Variants in NAIP observed in about 807,000 individuals in gnomAD.
NAIP encodes NLR family apoptosis inhibitory protein.
Under a neutral mutation model 23.0 loss-of-function variants are expected in NAIP, and 15 were observed. That is an observed-to-expected ratio of 0.65 (90% confidence interval 0.44 to 1.00). The LOEUF is 1.00. Among genes scored for constraint, NAIP ranks in the 50% least tolerant of loss-of-function variants. The probability of loss-of-function intolerance (pLI) is 0.00; values close to 1 mark genes in which losing one functional copy is unlikely to be tolerated. For missense variants in NAIP, 265 were observed against 278.8 expected, an observed-to-expected ratio of 0.95 and a Z score of 0.35; for synonymous variants, 100 against 100.2, an observed-to-expected ratio of 1.00 and a Z score of 0.01.
Position 71,012,396 on chromosome 5 carries a change from G to A in NAIP, c.520C>T (p.Gln174Ter), listed in dbSNP as rs781287367. The change falls in exon 4 of 17, where the codon CAA becomes TAA. Residue 174 changes from glutamine (Q) to a stop codon, truncating the protein, a stop_gained. Coordinates refer to ENST00000517649, the MANE Select transcript of NAIP (RefSeq NM_004536.3). LOFTEE classifies it high-confidence loss of function. ...GAGAGCACACAAGGGGATATCCCTTGGACATAAAATGGCCAGTTCCTGAAG... is the reference window on the plus strand; with the variant it reads ...GAGAGCACACAAGGGGATATCCCTTAGACATAAAATGGCCAGTTCCTGAAG... ...ASFRNWPFYVQGISPCVLSEA... is the reference protein window; with the variant it reads ...ASFRNWPFYV 118 of 1,611,548 alleles carry A rather than the reference G, an allele frequency of 7.3e-5. 6 individuals are homozygous for A. Among genetic ancestry groups the A allele is most frequent in the Non-Finnish European group, 9.8e-5 (116 of 1,178,366 alleles).
rs1416400635 is a variant in NAIP, at chr5:71,012,567, G to A, written c.349C>T (p.His117Tyr). Residue 117 changes from histidine to tyrosine, a missense_variant, in exon 4 of 17, where the codon CAC becomes TAC. By Grantham distance (83) the His-to-Tyr change is moderately conservative. Transcript: ENST00000517649. ...AGLTRLPIEDHKRFHPDCGFL... is the reference protein window; with the variant it reads ...AGLTRLPIEDYKRFHPDCGFL... ...CCACAATCTGGATGAAACCTCTTGT[G>A]GTCTTCTATGGGGAGTCTCGTGAGG... The A allele has an allele frequency of 1.8e-5, 29 of 1,611,676 alleles. No individual in the cohort carries two copies. Among genetic ancestry groups the A allele is most frequent in the Non-Finnish European group, 2.5e-6 (3 of 1,178,468 alleles).
chr5:71,010,291 C>T (rs910171305), intron 5 of NAIP, among the ~76,000 whole-genome samples: 7 of 150,284 alleles, frequency 4.7e-5, no homozygotes, highest in African/African-American at 1.2e-4. Context: ...TTTTTTGAGA[C>T]GGAGTCTCAC....
intron 3 of NAIP, among the ~76,000 whole-genome samples, chr5:71,013,594 C>T (rs1751277287): frequency 6.9e-6 from 1 of 145,664 alleles, no homozygotes; most frequent in Non-Finnish European, 1.5e-5. Flanking sequence ...GAGCCGAGAT[C>T]GCGCCACGGT....
chr5:71,022,955 A>AT (rs1174235436), intron 2 of NAIP, among the ~76,000 whole-genome samples: 2 of 4,054 alleles, frequency 4.9e-4, no homozygotes, highest in African/African-American at 7.8e-4. Context: ...GTTCTATTTT[A>AT]TTTTTTTTTA....
rs1448822727 is a variant in NAIP at position 71,025,292 on chromosome 5, T to C, written c.-896A>G. Among the ~76,000 whole-genome samples the C allele has an allele frequency of 1.9e-5, 1 of 53,354 alleles. No individual in the cohort carries two copies. The highest frequency in any genetic ancestry group is 3.7e-5 in the Non-Finnish European group (1 of 27,332). The allele number at this position is 53,354 out of a possible 152,430, so 35.0% of individuals were successfully genotyped here. A position where few individuals can be genotyped will look rare whatever the true frequency, so the allele number is the denominator to read the frequency against. On this transcript the variant is annotated 5_prime_UTR_variant, in exon 1 of 17. Transcript: ENST00000517649. ...ATAAGGAAACTCAAGCACATAGGGGTTAAGGTTAACCAGTGATCTGGCTAG... is the reference window on the plus strand; with the variant it reads ...ATAAGGAAACTCAAGCACATAGGGGCTAAGGTTAACCAGTGATCTGGCTAG...
chr5:71,009,264 T>C (rs1193373220), intron 5 of NAIP, among the ~76,000 whole-genome samples: 1 of 142,256 alleles, frequency 7.0e-6, no homozygotes, highest in Non-Finnish European at 1.5e-5. Context: ...GGTGGGAGGA[T>C]TGCTTGAGTC....
At chr5:71,010,092 A>G (rs1347136179) in intron 5 of NAIP, among the ~76,000 whole-genome samples, 6 of 151,596 alleles carry the variant, frequency 4.0e-5, no homozygotes, top group Admixed American at 2.0e-4. Context: ...CACCACCCCT[A>G]TGGAAATTAT....
At chr5:71,008,003 A>T (rs1222561193) in intron 5 of NAIP, among the ~76,000 whole-genome samples, 2 of 116,116 alleles carry the variant, frequency 1.7e-5, no homozygotes, top group African/African-American at 3.2e-5. Context: ...GCCTCAAGTG[A>T]TTTGCCCGCC....
At chr5:71,010,106 T>C (rs549652915) in intron 5 of NAIP, among the ~76,000 whole-genome samples, 1 of 151,660 alleles carries the variant, frequency 6.6e-6, no homozygotes, top group South Asian at 2.1e-4. Context: ...AAATTATTAT[T>C]ACTTATTTAA....
Position 71,012,501 on chromosome 5 carries a change from C to G in NAIP, c.415G>C (p.Asp139His). The G allele has an allele frequency of 6.2e-7, 1 of 1,611,672 alleles. No individual in the cohort carries two copies. Among genetic ancestry groups the G allele is most frequent in the Non-Finnish European group, 8.5e-7 (1 of 1,178,444 alleles). ...NKDVGNIAKYDIRVKNLKSRL... is the reference protein window; with the variant it reads ...NKDVGNIAKYHIRVKNLKSRL... Reference sequence around the variant, plus strand: ...CTCTTCAGATTCTTCACCCTTATGTCGTACTTGGCAATGTTACCAACATCC... The same window carrying G: ...CTCTTCAGATTCTTCACCCTTATGTGGTACTTGGCAATGTTACCAACATCC... Residue 139 changes from aspartate to histidine, a missense_variant, in exon 4 of 17, where the codon GAC (aspartate) becomes CAC (histidine). Coordinates refer to ENST00000517649, the MANE Select transcript of NAIP (RefSeq NM_004536.3).
chr5:71,010,915 G>A (rs1218897500), intron 5 of NAIP, among the ~76,000 whole-genome samples: 1 of 151,228 alleles, frequency 6.6e-6, no homozygotes, highest in African/African-American at 2.4e-5. Flanking sequence ...TGGCTCTTTT[G>A]TCTTTCATTT....
intron 6 of NAIP, among the ~76,000 whole-genome samples, chr5:71,002,401 C>CTTT (rs1157939944): frequency 0.031 from 172 of 5,610 alleles, 14 homozygotes; most frequent in African/African-American, 0.076. Flanking sequence ...TGTTGGAGGT[C>CTTT]TTTTTTTTTT....
intron 5 of NAIP, among the ~76,000 whole-genome samples, chr5:71,010,744 C>T (rs373392820): frequency 6.6e-6 from 1 of 151,390 alleles, no homozygotes; most frequent in South Asian, 2.1e-4. Context: ...TGGGCAAAAC[C>T]TATCTTAGAA....
At chr5:71,003,095 C>T (rs1478687002) in intron 6 of NAIP, 3 of 26,362 alleles carry the variant, frequency 1.1e-4, no homozygotes, top group Non-Finnish European at 1.8e-4. Context: ...GTCACTGTTT[C>T]CGGAAACTGA....
chr5:71,009,384 G>GA, intron 5 of NAIP, among the ~76,000 whole-genome samples: 1 of 144,312 alleles, frequency 6.9e-6, no homozygotes, highest in Non-Finnish European at 1.5e-5. Context: ...AAAAAGAAAA[G>GA]AAAGAAAGAA....
At chr5:71,011,904 A>G in intron 4 of NAIP, 1 of 263,006 alleles carries the variant, frequency 3.8e-6, no homozygotes, top group Non-Finnish European at 7.5e-6. Flanking sequence ...TAGAACTCTG[A>G]TTTATATATC....
At chr5:71,011,784 C>T (rs1486613823) in intron 4 of NAIP, 5 of 446,674 alleles carry the variant, frequency 1.1e-5, no homozygotes, top group South Asian at 7.0e-5. Context: ...TCCATGAACT[C>T]AGCTGTGAAA....
Position 71,011,316 on chromosome 5 carries a change from T to G in NAIP, c.627A>C (p.Glu209Asp). ...SCGGCLGNWE[E>D]GDDPWKEHAK... ...CATGTTCCTTCCAAGGATCATCTCC[T>G]TCTTCCCAATTTCCTAAACATCCAC... Residue 209 changes from glutamate (E) to aspartate (D), a missense_variant, in exon 5 of 17, where the codon GAA becomes GAC. Glu to Asp is a conservative substitution (Grantham distance 45). Transcript: ENST00000517649. The G allele has an allele frequency of 1.9e-6, 3 of 1,607,172 alleles. No individual in the cohort carries two copies. The highest frequency in any genetic ancestry group is 2.6e-6 in the Non-Finnish European group (3 of 1,176,030).
intron 5 of NAIP, 31 bp downstream of exon 5, chr5:71,011,244 A>C (rs1178095256): frequency 6.6e-7 from 1 of 1,525,720 alleles, no homozygotes; most frequent in Non-Finnish European, 8.9e-7. Flanking sequence ...AAAAAAAGAA[A>C]GAAACATTTA....
Sources: allele counts gnomAD v4.1 joint callset (sites outside exome capture counted in the v4.1 genomes callset), GRCh38; gene constraint gnomAD v4.1.1; transcripts MANE v1.5; gene names NCBI Gene and HGNC (gene_info 2026-07-23, HGNC 2026-07-21).